MORN4: variants seen among roughly 807,000 people sequenced by gnomAD.
The protein encoded by MORN4 is MORN repeat-containing protein 4.
MORN4 carries 8 observed loss-of-function variants against 16.4 expected under a neutral mutation model. The observed-to-expected ratio is 0.49, with a 90% CI of 0.29 to 0.88. The LOEUF (loss-of-function observed/expected upper bound fraction) is 0.88. MORN4 is among the 40% of genes least tolerant of loss of function. The pLI, the probability that MORN4 is intolerant of heterozygous loss-of-function variation, is 0.09. For missense variants in MORN4, 159 were observed against 182.9 expected, an observed-to-expected ratio of 0.87 and a Z score of 0.75; for synonymous variants, 53 against 68.9, an observed-to-expected ratio of 0.77 and a Z score of 1.14.
At chr10:97,626,392 A>AATAATC (rs201213853) in intron 1 of MORN4, among the ~76,000 whole-genome samples, 14 of 115,412 alleles carry the variant, frequency 1.2e-4, no homozygotes, top group East Asian at 2.8e-4. Context: ...TAATAATAAT[A>AATAATC]ATAATCATAA....
At chr10:97,627,055 C>T (rs1224113137) in intron 1 of MORN4, among the ~76,000 whole-genome samples, 1 of 151,834 alleles carries the variant, frequency 6.6e-6, no homozygotes, top group Non-Finnish European at 1.5e-5. Context: ...CTGTGCCCGG[C>T]CTGATTTTTG....
chr10:97,633,272 G>C lies in MORN4; in HGVS notation c.-31+75C>G. 2 of 1,261,108 alleles carry C rather than the reference G, an allele frequency of 1.6e-6. No individual in the cohort carries two copies. Among genetic ancestry groups the C allele is most frequent in the South Asian group, 2.6e-5 (2 of 77,026 alleles). The allele number at this position is 1,261,108 out of a possible 1,614,324, so 78.1% of individuals were successfully genotyped here. On this transcript the variant is annotated intron_variant, in intron 1 of 4. Transcript: ENST00000307450. The surrounding 1 kb of genome is among the most constrained non-coding windows in gnomAD (Gnocchi z 4.5). ...CCGCGCCCCCGAGCCGGGTCATCTCGTGCTCCGTTCCTCAGTGCCCACCTG... is the reference window on the plus strand; with the variant it reads ...CCGCGCCCCCGAGCCGGGTCATCTCCTGCTCCGTTCCTCAGTGCCCACCTG...
intron 1 of MORN4, among the ~76,000 whole-genome samples, chr10:97,627,561 C>T (rs1025238304): frequency 6.6e-6 from 1 of 152,202 alleles, no homozygotes; most frequent in Non-Finnish European, 1.5e-5. Flanking sequence ...TCTGTCCCAG[C>T]CATGAGGACA....
chr10:97,621,820 G>A lies in MORN4; in HGVS notation c.-30-2137C>T, dbSNP rs1468567809. Among the ~76,000 whole-genome samples, 6 of 151,858 alleles carry A rather than the reference G, an allele frequency of 4.0e-5. No individual in the cohort carries two copies. The South Asian group carries it at 1.0e-3, about 26-fold the overall frequency. ...GCAGAGGTTGCAGTAAGCCAAGATC[G>A]CACCACTGCATTCCAGCCTGGGCGA... On this transcript the variant is annotated intron_variant, in intron 1 of 4. Transcript: ENST00000307450.
rs115521173 is a variant in MORN4, at chr10:97,629,802, T to C, written c.-31+3545A>G. On this transcript the variant is annotated intron_variant, in intron 1 of 4. Transcript: ENST00000307450. ...GAGACAGAGTCTCGCTTTGTCACGC[T>C]GGGTGGAGTACAGTGGTGTGATCTC... is the stretch of plus-strand genomic sequence containing the variant. Among the ~76,000 whole-genome samples, 1,177 of 152,200 alleles carry C rather than the reference T, an allele frequency of 7.7e-3. 17 individuals carry two copies. Among genetic ancestry groups the C allele is most frequent in the African/African-American group, 0.027 (1,113 of 41,542 alleles).
At chr10:97,626,860 C>T (rs903868695) in intron 1 of MORN4, among the ~76,000 whole-genome samples, 2 of 150,414 alleles carry the variant, frequency 1.3e-5, no homozygotes, top group Admixed American at 6.7e-5. Flanking sequence ...CAGGTTCAAG[C>T]GATTCTCTTG....
rs2041354011 is a variant in MORN4, at chr10:97,626,982, C to T, written c.-31+6365G>A. ...ATGTTGGCCAGGCTGGTCTTGAACTCCTGACCTCAGGTGATCCTCCCGCCT... is the reference window on the plus strand; with the variant it reads ...ATGTTGGCCAGGCTGGTCTTGAACTTCTGACCTCAGGTGATCCTCCCGCCT... On this transcript the variant is annotated intron_variant, in intron 1 of 4. Coordinates refer to ENST00000307450, the MANE Select transcript of MORN4 (RefSeq NM_178832.4). Among the ~76,000 whole-genome samples, 3 of 151,430 alleles carry T rather than the reference C, an allele frequency of 2.0e-5. No individual in the cohort carries two copies. The South Asian group carries it at 6.3e-4, about 32-fold the overall frequency.
At chr10:97,622,301 G>T (rs1214497944) in intron 1 of MORN4, among the ~76,000 whole-genome samples, 1 of 152,156 alleles carries the variant, frequency 6.6e-6, no homozygotes, top group East Asian at 1.9e-4. Flanking sequence ...GGAACAACTG[G>T]GGGGATACAT....
In MORN4 at chr10:97,616,121, T is replaced by C; in HGVS notation, c.*142A>G. ...ACTTTTCTGTGGTCCAGTTCTGGAATGGCAGGTGACAGGGCACATACAAGG... is the reference window on the plus strand; with the variant it reads ...ACTTTTCTGTGGTCCAGTTCTGGAACGGCAGGTGACAGGGCACATACAAGG... On this transcript the variant is annotated 3_prime_UTR_variant, in exon 5 of 5. Coordinates refer to ENST00000307450, the MANE Select transcript of MORN4 (RefSeq NM_178832.4). 5 of 788,458 alleles carry C rather than the reference T, an allele frequency of 6.3e-6. No homozygotes were observed. The highest frequency in any genetic ancestry group is 7.6e-6 in the Non-Finnish European group (4 of 528,892). 48.8% of individuals were successfully genotyped at this position (788,458 alleles called of 1,614,324 possible).
intron 1 of MORN4, among the ~76,000 whole-genome samples, chr10:97,626,214 TA>T (rs1351044913): frequency 6.6e-6 from 1 of 151,542 alleles, no homozygotes; most frequent in Non-Finnish European, 1.5e-5. Context: ...CTGTCTTTAC[TA>T]AAAACACAAA....
At chr10:97,616,532 G>C in intron 4 of MORN4, 121 bp from the exon 5 acceptor site, 1 of 1,302,504 alleles carries the variant, frequency 7.7e-7, no homozygotes, top group Non-Finnish European at 1.1e-6. Flanking sequence ...CTCTACTCAG[G>C]AGTACTCTAT....
intron 1 of MORN4, among the ~76,000 whole-genome samples, chr10:97,625,681 G>A (rs1244874333): frequency 3.3e-5 from 5 of 152,178 alleles, no homozygotes; most frequent in Admixed American, 2.6e-4. Flanking sequence ...TGAATACTAA[G>A]TAGAGGAAAA....
chr10:97,633,593 T>C, upstream of MORN4: 1 of 1,289,546 alleles, frequency 7.8e-7, no homozygotes, highest in Non-Finnish European at 1.0e-6. The surrounding 1 kb of genome is among the most constrained non-coding windows in gnomAD (Gnocchi z 4.5). Context: ...GCCATCTTTG[T>C]GCGGGGCCGA....
chr10:97,626,931 A>G (rs1221622117), intron 1 of MORN4, among the ~76,000 whole-genome samples: 2 of 148,414 alleles, frequency 1.3e-5, no homozygotes, highest in Non-Finnish European at 3.0e-5. Flanking sequence ...CTAATTTTGT[A>G]TTTTCAGTAG....
At position 97,620,488 on chromosome 10, in the gene MORN4, C is replaced by CAAAAAAA. The variant is rs1210683127; in HGVS notation, c.-30-812_-30-806dup. Among the ~76,000 whole-genome samples, 11 of 41,168 alleles carry CAAAAAAA rather than the reference C, an allele frequency of 2.7e-4. 1 individual carries two copies. The highest frequency in any genetic ancestry group is 9.2e-4 in the African/African-American group (9 of 9,832). The allele number at this position is 41,168 out of a possible 152,430, so 27.0% of individuals were successfully genotyped here. On this transcript the variant is annotated intron_variant, in intron 1 of 4. Coordinates refer to ENST00000307450, the MANE Select transcript of MORN4 (RefSeq NM_178832.4). ...TGGGTGACGGAGCAAGACTCTGTCT[C>CAAAAAAA]AAAAAAAAAAAAAAAAAAAGAAAAA...
chr10:97,624,371 G>T (rs2041330355), intron 1 of MORN4, among the ~76,000 whole-genome samples: 1 of 152,114 alleles, frequency 6.6e-6, no homozygotes, highest in Non-Finnish European at 1.5e-5. Flanking sequence ...TATAACAGAA[G>T]CTAACATTTA....
Position 97,616,276 on chromosome 10 carries a change from T to C in MORN4, c.428A>G (p.Asn143Ser). Residue 143 changes from asparagine (N) to serine (S), a missense_variant, in exon 5 of 5, where the codon AAT becomes AGT. Transcript: ENST00000307450. ...CCCACTGCGCTGTCAGGCAGTGAGA[T>C]TTCTGGCTGACTTGGAGGCGCTCTG... ...RAQSASKSAR[N>S]LTA is the part of the protein sequence containing the mutation. 1.2e-6 allele frequency: 2 copies of C among 1,602,622 alleles called. No individual in the cohort carries two copies. Among genetic ancestry groups the C allele is most frequent in the Non-Finnish European group, 1.7e-6 (2 of 1,174,440 alleles).
chr10:97,618,310 G>T (rs1444647415), intron 2 of MORN4, among the ~76,000 whole-genome samples: 2 of 131,976 alleles, frequency 1.5e-5, no homozygotes, highest in African/African-American at 5.9e-5. Flanking sequence ...TGTCGCCCAG[G>T]CTGGAGCACA....
At chr10:97,618,328 G>C (rs914213317) in intron 2 of MORN4, among the ~76,000 whole-genome samples, 2 of 139,890 alleles carry the variant, frequency 1.4e-5, no homozygotes, top group African/African-American at 2.8e-5. Flanking sequence ...ACAGTGGTGC[G>C]ATCTTGGCTC....
Sources: allele counts gnomAD v4.1 joint callset (sites outside exome capture counted in the v4.1 genomes callset), GRCh38; gene constraint gnomAD v4.1.1; non-coding constraint Gnocchi (gnomAD v3.1); transcripts MANE v1.5; gene names NCBI Gene and HGNC (gene_info 2026-07-23, HGNC 2026-07-21).